Variants in PABPC1L observed in about 807,000 individuals in gnomAD.
The protein encoded by PABPC1L is poly(A) binding protein cytoplasmic 1 like, also known as polyadenylate-binding protein 1-like.
In PABPC1L, 31 loss-of-function variants were observed where a neutral mutation model predicts 66.6. The ratio of observed to expected loss-of-function variants is 0.47; its 90% CI spans 0.35 to 0.63. The LOEUF (loss-of-function observed/expected upper bound fraction) is 0.63, where lower values mean the gene tolerates loss of function less well. Ranked by LOEUF, PABPC1L falls within the 20% of genes least tolerant of loss-of-function variation. The probability of loss-of-function intolerance (pLI) is 0.00; values close to 1 mark genes in which losing one functional copy is unlikely to be tolerated. For missense variants in PABPC1L, 722 were observed against 848.8 expected (o/e 0.85, Z 1.86); for synonymous variants, 348 against 335.1 (o/e 1.04, Z -0.42).
chr20:44,931,003 T>TCCTTCCTTCCTTCCCTTC (rs1568649841), intron 8 of PABPC1L, among the ~76,000 whole-genome samples: 1 of 101,204 alleles, frequency 9.9e-6, no homozygotes. Flanking sequence ...CATTTTTCCT[T>TCCTTCCTTCCTTCCCTTC]CCTCCCTTCC....
intron 10 of PABPC1L, among the ~76,000 whole-genome samples, chr20:44,935,080 A>G (rs950674475): frequency 6.6e-6 from 1 of 151,972 alleles, no homozygotes; most frequent in African/African-American, 2.4e-5. Context: ...GAAAAAAAAA[A>G]AAAAGAAAGA....
rs372472103 is a variant in PABPC1L at position 44,930,535 on chromosome 20, G to A, written c.1048G>A (p.Val350Met). Residue 350 changes from valine (V) to methionine (M), a missense_variant, in exon 8 of 15, where the codon GTG (valine) becomes ATG (methionine). By Grantham distance (21) the Val-to-Met change is conservative. Transcript: ENST00000217073. ...FSSPEEATKAVTEMNGRIVGT... is the reference protein window; with the variant it reads ...FSSPEEATKAMTEMNGRIVGT... The stretch of plus-strand genomic sequence containing the variant: ...CTCCCCAGAAGAGGCGACAAAGGCC[G>A]TGACAGAGATGAACGGGCGCATCGT... The A allele has an allele frequency of 1.9e-6, 3 of 1,614,154 alleles. No individual in the cohort carries two copies. Among genetic ancestry groups the A allele is most frequent in the African/African-American group, 1.3e-5 (1 of 74,956 alleles).
At chr20:44,919,796 C>T (rs1431129742) in intron 5 of PABPC1L, among the ~76,000 whole-genome samples, 2 of 152,156 alleles carry the variant, frequency 1.3e-5, no homozygotes, top group Non-Finnish European at 2.9e-5. Context: ...CTGGACAAAA[C>T]GGCAAGATGC....
chr20:44,915,286 C>T (rs1006210015), intron 2 of PABPC1L, among the ~76,000 whole-genome samples: 3 of 152,148 alleles, frequency 2.0e-5, no homozygotes, highest in Non-Finnish European at 4.4e-5. Flanking sequence ...CAGTGCTTGT[C>T]ATCCAGGCAG....
chr20:44,911,528 T>A (rs568362557), intron 1 of PABPC1L, among the ~76,000 whole-genome samples: 1 of 152,280 alleles, frequency 6.6e-6, no homozygotes, highest in East Asian at 1.9e-4. Context: ...AACATTCTGA[T>A]GTAAGACTCC....
intron 12 of PABPC1L, chr20:44,937,022 G>T (rs774609601): frequency 3.7e-6 from 2 of 546,930 alleles, no homozygotes; most frequent in Admixed American, 4.5e-5. Flanking sequence ...ACAAAGGGAG[G>T]AGTAGGGGTA....
intron 7 of PABPC1L, among the ~76,000 whole-genome samples, chr20:44,929,249 G>A (rs2066833387): frequency 6.6e-6 from 1 of 152,106 alleles, no homozygotes. Flanking sequence ...ATGACAGAGT[G>A]AGACCCCATC....
At position 44,930,744 on chromosome 20, in the gene PABPC1L, A is replaced by C; in HGVS notation, c.1239+18A>C. ...TGCCCCAGGTGACGGCCTGCCCGCAACTCCCACCGCAGCCTTCCCCCCTGC... is the reference window on the plus strand; with the variant it reads ...TGCCCCAGGTGACGGCCTGCCCGCACCTCCCACCGCAGCCTTCCCCCCTGC... On this transcript the variant is annotated intron_variant, in intron 8 of 14. Transcript: ENST00000217073. 6.2e-7 allele frequency: 1 copy of C among 1,607,170 alleles called. No individual in the cohort carries two copies. The highest frequency in any genetic ancestry group is 8.5e-7 in the Non-Finnish European group (1 of 1,177,566).
chr20:44,937,797 T>C (rs1456812858), intron 12 of PABPC1L: 8 of 444,874 alleles, frequency 1.8e-5, no homozygotes, highest in Non-Finnish European at 3.2e-5. Context: ...ACTTTCTTCA[T>C]GGGACGATCC....
At chr20:44,934,860 G>C (rs972490112) in intron 10 of PABPC1L, among the ~76,000 whole-genome samples, 13 of 152,160 alleles carry the variant, frequency 8.5e-5, no homozygotes, top group African/African-American at 2.9e-4. Context: ...ATGAGGTCAG[G>C]AGTTCGAAAC....
intron 11 of PABPC1L, 29 bp downstream of exon 11, chr20:44,935,526 G>T (rs2066895116): frequency 1.3e-6 from 2 of 1,598,756 alleles, no homozygotes; most frequent in Admixed American, 1.7e-5. Context: ...CCTGCTCTTA[G>T]CCTGGGCTCC....
intron 13 of PABPC1L, 75 bp from the exon 14 acceptor site, chr20:44,938,599 G>A (rs2066919755): frequency 7.9e-6 from 12 of 1,511,900 alleles, no homozygotes; most frequent in East Asian, 2.4e-5. Flanking sequence ...GATGGTGAGC[G>A]AGGGGGAGAT....
At chr20:44,916,216 G>T (rs1426885310) in intron 2 of PABPC1L, among the ~76,000 whole-genome samples, 1 of 152,180 alleles carries the variant, frequency 6.6e-6, no homozygotes, top group South Asian at 2.1e-4. Context: ...AAGCCAGTAT[G>T]CAGTATAGAT....
chr20:44,914,372 A>C (rs2066724910), intron 2 of PABPC1L, among the ~76,000 whole-genome samples: 1 of 151,896 alleles, frequency 6.6e-6, no homozygotes, highest in Non-Finnish European at 1.5e-5. Context: ...ACGCCCAGCT[A>C]ATTTTTTTTG....
At chr20:44,913,818 C>T (rs1317692469) in intron 2 of PABPC1L, among the ~76,000 whole-genome samples, 1 of 152,050 alleles carries the variant, frequency 6.6e-6, no homozygotes, top group African/African-American at 2.4e-5. Flanking sequence ...TTAATTGGGG[C>T]CATCAAGGCA....
chr20:44,934,555 G>T (rs1349918488), intron 10 of PABPC1L, among the ~76,000 whole-genome samples: 1 of 152,140 alleles, frequency 6.6e-6, no homozygotes, highest in African/African-American at 2.4e-5. Flanking sequence ...TTCTTGCTTG[G>T]TACCTCATGT....
rs1327108301 is a variant in PABPC1L, at chr20:44,910,336, G to A, written c.193G>A (p.Ala65Thr). The A allele has an allele frequency of 1.3e-6, 2 of 1,504,580 alleles. No individual in the cohort carries two copies. The allele number at this position is 1,504,580 out of a possible 1,614,324, so 93.2% of individuals were successfully genotyped here. A position where few individuals can be genotyped will look rare whatever the true frequency, so the allele number is the denominator to read the frequency against. Residue 65 changes from alanine to threonine, a missense_variant and splice_region_variant, in exon 1 of 15, where the codon GCG becomes ACG. Around this residue, in one of 3 missense-constraint regions of PABPC1L, gnomAD observed 284 missense variants for 294.8 expected, o/e 0.96. Transcript: ENST00000217073. The stretch of plus-strand genomic sequence containing the variant: ...CATCAACTTCCAGCAGCCCGCGGAC[G>A]GTGAGCCCCGGGGATGGGGCGGGAG... ...AYINFQQPADAERALDTMNFE... is the reference protein window; with the variant it reads ...AYINFQQPADTERALDTMNFE...
chr20:44,912,785 G>A lies in PABPC1L; in HGVS notation c.319G>A (p.Glu107Lys). ...GVGNIFIKNL[E>K]DSIDNKALYD... Reference sequence around the variant, plus strand: ...GGGCAACATCTTCATCAAGAACCTGGAGGACTCCATTGACAACAAGGCTTT... The same window carrying A: ...GGGCAACATCTTCATCAAGAACCTGAAGGACTCCATTGACAACAAGGCTTT... The change falls in exon 2 of 15, where the codon GAG becomes AAG. Residue 107 changes from glutamate to lysine, a missense_variant. By Grantham distance (56) the Glu-to-Lys change is moderately conservative (BLOSUM62 1). Transcript: ENST00000217073. 1.2e-6 allele frequency: 2 copies of A among 1,614,112 alleles called. No homozygotes were observed. Among genetic ancestry groups the A allele is most frequent in the Non-Finnish European group, 1.7e-6 (2 of 1,180,014 alleles).
intron 10 of PABPC1L, 37 bp downstream of exon 10, chr20:44,933,222 G>A (rs1197778101): frequency 3.3e-6 from 5 of 1,535,114 alleles, no homozygotes; most frequent in Non-Finnish European, 4.4e-6. Context: ...TGGGGGTGGG[G>A]CAAAGTTGGC....
Sources: gnomAD v4.1 joint callset for allele counts (sites outside exome capture counted in the v4.1 genomes callset) on GRCh38, gnomAD v4.1.1 for gene constraint, gnomAD v4.1.1 regional missense constraint, MANE v1.5 for transcripts, NCBI Gene and HGNC (gene_info 2026-07-23, HGNC 2026-07-21) for gene names.